UST: variants seen among roughly 807,000 people sequenced by gnomAD.
The protein encoded by UST is uronyl 2-sulfotransferase.
UST carries 21 observed loss-of-function variants against 45.6 expected under a neutral mutation model. The ratio of observed to expected loss-of-function variants is 0.46; its 90% CI spans 0.33 to 0.66. UST has a LOEUF of 0.66. UST is among the 30% of genes least tolerant of loss of function. UST has a pLI of 0.02. For missense variants in UST, 463 were observed against 512.4 expected, an observed-to-expected ratio of 0.90 and a Z score of 0.93; for synonymous variants, 215 against 200.6, an observed-to-expected ratio of 1.07 and a Z score of -0.61.
chr6:148,775,012 C>T (rs1376792869), intron 1 of UST, among the ~76,000 whole-genome samples: 2 of 151,704 alleles, frequency 1.3e-5, no homozygotes, highest in Non-Finnish European at 2.9e-5. Flanking sequence ...CAGAGTGAGA[C>T]TTCATCTCAA....
intron 1 of UST, among the ~76,000 whole-genome samples, chr6:148,810,850 A>G (rs142505269): frequency 3.1e-4 from 47 of 152,366 alleles, no homozygotes; most frequent in Admixed American, 3.1e-3. Context: ...CTTATGAATT[A>G]CAGATTATCA....
At chr6:148,987,956 C>T (rs1426438621) in intron 5 of UST, among the ~76,000 whole-genome samples, 3 of 152,012 alleles carry the variant, frequency 2.0e-5, no homozygotes, top group Non-Finnish European at 4.4e-5. Context: ...ACTATGCTCT[C>T]GAGGAATTGT....
At chr6:148,991,855 C>G (rs1011833795) in intron 5 of UST, among the ~76,000 whole-genome samples, 1 of 152,136 alleles carries the variant, frequency 6.6e-6, no homozygotes, top group Non-Finnish European at 1.5e-5. Context: ...TAGACTACAT[C>G]AAACTGCTAG....
chr6:148,997,392 T>C (rs1401279007), intron 5 of UST, among the ~76,000 whole-genome samples: 1 of 152,022 alleles, frequency 6.6e-6, no homozygotes, highest in Non-Finnish European at 1.5e-5. Context: ...TGAGGATTCA[T>C]AAAGAACCTG....
intron 5 of UST, among the ~76,000 whole-genome samples, chr6:148,979,762 G>A (rs1781093414): frequency 1.3e-5 from 2 of 152,146 alleles, no homozygotes; most frequent in Non-Finnish European, 1.5e-5. Context: ...AGTAAGCAGC[G>A]ACTCTTATTT....
chr6:148,845,810 C>A (rs1777975841), intron 1 of UST, among the ~76,000 whole-genome samples: 1 of 152,072 alleles, frequency 6.6e-6, no homozygotes, highest in Non-Finnish European at 1.5e-5. Flanking sequence ...TAAAATAGTC[C>A]TCTTTCATTT....
At chr6:148,780,986 C>T (rs1582807642) in intron 1 of UST, among the ~76,000 whole-genome samples, 1 of 152,172 alleles carries the variant, frequency 6.6e-6, no homozygotes, top group African/African-American at 2.4e-5. Context: ...CTCTCTTCCT[C>T]TCCTTGGACC....
At chr6:148,786,995 G>A (rs924619906) in intron 1 of UST, among the ~76,000 whole-genome samples, 1 of 151,872 alleles carries the variant, frequency 6.6e-6, no homozygotes, top group African/African-American at 2.4e-5. Context: ...ATGTTTTTTG[G>A]CTGCATGTAT....
chr6:148,792,432 G>A (rs1343103469), intron 1 of UST, among the ~76,000 whole-genome samples: 1 of 152,156 alleles, frequency 6.6e-6, no homozygotes, highest in East Asian at 1.9e-4. Flanking sequence ...CTGGGCCTGT[G>A]AACTGTGTAA....
rs139732837 is a variant in UST, at chr6:148,890,945, A to G, written c.291+3916A>G. Among the ~76,000 whole-genome samples the G allele has an allele frequency of 4.0e-3, 608 of 152,334 alleles. 5 individuals are homozygous for G. The highest frequency in any genetic ancestry group is 0.014 in the African/African-American group (568 of 41,572). ...TTAAGTACAAAAACAAAAGCATGATAGCTCTTTTTGTGAAATTGCACGCAT... is the reference window on the plus strand; with the variant it reads ...TTAAGTACAAAAACAAAAGCATGATGGCTCTTTTTGTGAAATTGCACGCAT... On this transcript the variant is annotated intron_variant, in intron 2 of 7. Coordinates refer to ENST00000367463, the MANE Select transcript of UST (RefSeq NM_005715.3).
chr6:148,894,493 C>T (rs1779081057), intron 2 of UST, among the ~76,000 whole-genome samples: 1 of 152,178 alleles, frequency 6.6e-6, no homozygotes, highest in Non-Finnish European at 1.5e-5. Flanking sequence ...CCAAGGTACA[C>T]CAAGGATGGC....
At chr6:148,920,475 TC>T (rs1407686831) in intron 2 of UST, among the ~76,000 whole-genome samples, 1 of 152,090 alleles carries the variant, frequency 6.6e-6, no homozygotes, top group Non-Finnish European at 1.5e-5. Context: ...GCAAAGTTCT[TC>T]CCTCCCTTTT....
rs79329593 is a variant in UST at position 148,938,471 on chromosome 6, C to T, written c.292-2808C>T. On this transcript the variant is annotated intron_variant, in intron 2 of 7. Coordinates refer to ENST00000367463, the MANE Select transcript of UST (RefSeq NM_005715.3). ...TTCAAATTTATTAAATGCTACCCTG[C>T]ATACAAATATTTCAGGAAAATTAAA... Among the ~76,000 whole-genome samples, 790 of 152,242 alleles carry T rather than the reference C, an allele frequency of 5.2e-3. 4 individuals are homozygous for T. Among genetic ancestry groups the T allele is most frequent in the African/African-American group, 0.017 (702 of 41,556 alleles).
intron 1 of UST, among the ~76,000 whole-genome samples, chr6:148,770,036 A>T (rs1012099308): frequency 3.3e-5 from 5 of 152,128 alleles, no homozygotes; most frequent in African/African-American, 1.2e-4. Context: ...AACGATTAAG[A>T]GTTCTAAAAC....
rs763624805 is a variant in UST, at chr6:148,887,047, G to T, written c.291+18G>T. On this transcript the variant is annotated intron_variant, in intron 2 of 7. Coordinates refer to ENST00000367463, the MANE Select transcript of UST (RefSeq NM_005715.3). The stretch of plus-strand genomic sequence containing the variant: ...CTAGTAAGGTAAGATCTTTGCTTGT[G>T]ATATAAGTCCCCTTTTTCTTTTATC... 1 of 1,605,016 alleles carries T rather than the reference G, an allele frequency of 6.2e-7. No individual in the cohort carries two copies. The highest frequency in any genetic ancestry group is 8.5e-7 in the Non-Finnish European group (1 of 1,173,614).
chr6:148,832,937 CA>C (rs1777716689), intron 1 of UST, among the ~76,000 whole-genome samples: 1 of 152,128 alleles, frequency 6.6e-6, no homozygotes, highest in Non-Finnish European at 1.5e-5. Flanking sequence ...ACTGTCAGAA[CA>C]AATAGCCCAT....
intron 1 of UST, among the ~76,000 whole-genome samples, chr6:148,749,235 A>G (rs1286269263): frequency 2.0e-5 from 3 of 152,150 alleles, no homozygotes; most frequent in Admixed American, 6.5e-5. Flanking sequence ...TGTATTGTGG[A>G]GTCTCATAGC....
intron 1 of UST, among the ~76,000 whole-genome samples, chr6:148,801,250 G>A (rs975928336): frequency 6.6e-6 from 1 of 152,252 alleles, no homozygotes; most frequent in African/African-American, 2.4e-5. Flanking sequence ...TAATTTTATA[G>A]CTTTGATTTG....
At chr6:148,892,518 C>A (rs1347507872) in intron 2 of UST, among the ~76,000 whole-genome samples, 1 of 152,136 alleles carries the variant, frequency 6.6e-6, no homozygotes, top group Non-Finnish European at 1.5e-5. Flanking sequence ...CTTAGGCTCA[C>A]ATTGTTTAAT....
Sources: gnomAD v4.1 joint callset for allele counts (sites outside exome capture counted in the v4.1 genomes callset) on GRCh38, gnomAD v4.1.1 for gene constraint, MANE v1.5 for transcripts, NCBI Gene and HGNC (gene_info 2026-07-23, HGNC 2026-07-21) for gene names.